ITGA4: variants seen among roughly 807,000 people sequenced by gnomAD.
ITGA4 encodes the protein integrin alpha-4.
In ITGA4, 63 loss-of-function variants were observed where a neutral mutation model predicts 133.6. The ratio of observed to expected loss-of-function variants is 0.47; its 90% CI spans 0.38 to 0.58. The LOEUF is 0.58. ITGA4 is among the 20% of genes least tolerant of loss of function. ITGA4 has a pLI of 0.00. For missense variants in ITGA4, 1,076 were observed against 1,252.7 expected, an observed-to-expected ratio of 0.86 and a Z score of 2.13; for synonymous variants, 483 against 438.0, an observed-to-expected ratio of 1.10 and a Z score of -1.28.
At chr2:181,458,975 G>A (rs540237317) in intron 2 of ITGA4, 1 of 152,416 alleles carries the variant, frequency 6.6e-6, no homozygotes, top group Admixed American at 6.5e-5. Flanking sequence ...TACTGATAGA[G>A]GGGAGAAGTT....
At position 181,516,739 on chromosome 2, in the gene ITGA4, C is replaced by T. The variant is rs1186574121; in HGVS notation, c.1922+4964C>T. 2.0e-5 allele frequency among the ~76,000 whole-genome samples: 3 copies of T among 152,010 alleles called. No individual in the cohort carries two copies. The East Asian group carries it at 5.8e-4, about 29-fold the overall frequency. ...CTTCTGAAATATTAAGGGAATGCTG[C>T]CTGTCACCTGAATAATCTAGGGCTC... On this transcript the variant is annotated intron_variant, in intron 17 of 27. Transcript: ENST00000397033. This position sits in a 1 kb window ranked among gnomAD's most constrained non-coding sequence, Gnocchi z 4.0.
In ITGA4 at chr2:181,485,906, C is replaced by T; in HGVS notation, c.1067C>T (p.Thr356Ile). 6.2e-7 allele frequency: 1 copy of T among 1,604,458 alleles called. No homozygotes were observed. Among genetic ancestry groups the T allele is most frequent in the Non-Finnish European group, 8.5e-7 (1 of 1,177,776 alleles). The change falls in exon 10 of 28, where the codon ACA (threonine) becomes ATA (isoleucine). Residue 356 changes from threonine (T) to isoleucine (I), a missense_variant. Transcript: ENST00000397033. ...GGAGCAGTAATGAATGCAATGGAAACAAACCTCGTTGGAAGTGACAAATAT... is the reference window on the plus strand; with the variant it reads ...GGAGCAGTAATGAATGCAATGGAAATAAACCTCGTTGGAAGTGACAAATAT... The part of the protein sequence containing the change: ...GSGAVMNAME[T>I]NLVGSDKYAA...
intron 15 of ITGA4, among the ~76,000 whole-genome samples, chr2:181,503,246 C>T (rs1437960302): frequency 5.9e-5 from 9 of 151,996 alleles, no homozygotes; most frequent in Admixed American, 5.3e-4. Flanking sequence ...TCTTTGATGG[C>T]GGGGAATTCG....
At chr2:181,500,608 A>G (rs1686246861) in intron 15 of ITGA4, among the ~76,000 whole-genome samples, 3 of 152,202 alleles carry the variant, frequency 2.0e-5, no homozygotes, top group South Asian at 4.1e-4. Flanking sequence ...TATCTATTTT[A>G]TCTCTGCATT....
At chr2:181,461,534 CTT>C (rs1685278342) in intron 2 of ITGA4, among the ~76,000 whole-genome samples, 1 of 151,948 alleles carries the variant, frequency 6.6e-6, no homozygotes. Context: ...TTAAAGGAAA[CTT>C]TAATCACAGC....
intron 4 of ITGA4, 97 bp downstream of exon 4, chr2:181,475,385 G>A (rs750774252): frequency 4.4e-5 from 42 of 945,852 alleles, no homozygotes; most frequent in Non-Finnish European, 6.5e-5. Context: ...TCAGAGGAGA[G>A]GGAGATCTTC....
intron 17 of ITGA4, among the ~76,000 whole-genome samples, chr2:181,518,289 C>A (rs1686650856): frequency 6.6e-6 from 1 of 152,120 alleles, no homozygotes; most frequent in African/African-American, 2.4e-5. Context: ...ATTCTTCCAG[C>A]ATATCCAACT....
At chr2:181,489,264 A>G (rs981976686) in intron 10 of ITGA4, among the ~76,000 whole-genome samples, 5 of 152,142 alleles carry the variant, frequency 3.3e-5, no homozygotes, top group African/African-American at 1.2e-4. Context: ...TCACTTTTCA[A>G]TTGTTCTCAA....
intron 2 of ITGA4, among the ~76,000 whole-genome samples, chr2:181,464,660 A>C (rs1435144157): frequency 6.6e-6 from 1 of 152,132 alleles, no homozygotes; most frequent in Non-Finnish European, 1.5e-5. Context: ...AATAATTTTC[A>C]TCTTTTTCAC....
chr2:181,484,957 T>C (rs1195159919), intron 9 of ITGA4, among the ~76,000 whole-genome samples: 1 of 152,236 alleles, frequency 6.6e-6, no homozygotes, highest in Non-Finnish European at 1.5e-5. Context: ...ATGGCCTTTT[T>C]TTCTTTTTAA....
chr2:181,509,598 T>A, intron 15 of ITGA4, 60 bp from the exon 16 acceptor site: 1 of 1,381,526 alleles, frequency 7.2e-7, no homozygotes, highest in South Asian at 1.6e-5. Flanking sequence ...AAAGGAGTTT[T>A]ATTTTTTTTT....
At chr2:181,506,110 G>A (rs904929478) in intron 15 of ITGA4, among the ~76,000 whole-genome samples, 3 of 151,976 alleles carry the variant, frequency 2.0e-5, no homozygotes, top group Admixed American at 6.6e-5. Flanking sequence ...GTACTCTCAG[G>A]CTCCAAATCT....
intron 17 of ITGA4, among the ~76,000 whole-genome samples, chr2:181,514,145 T>C (rs536004241): frequency 2.0e-5 from 3 of 152,192 alleles, no homozygotes; most frequent in South Asian, 4.1e-4. Flanking sequence ...GAAATTTCAG[T>C]GTGGAAGGAA....
chr2:181,464,578 G>T (rs911741437), intron 2 of ITGA4, among the ~76,000 whole-genome samples: 13 of 152,132 alleles, frequency 8.5e-5, no homozygotes, highest in African/African-American at 3.1e-4. Flanking sequence ...CTTCCTGGAG[G>T]AGTGAAATCT....
intron 17 of ITGA4, among the ~76,000 whole-genome samples, chr2:181,518,450 C>T (rs1445065573): frequency 1.3e-5 from 2 of 151,936 alleles, no homozygotes; most frequent in East Asian, 1.9e-4. Context: ...CATCCTATGC[C>T]ATCTGAAATA....
chr2:181,529,248 T>A (rs199767562), intron 22 of ITGA4, among the ~76,000 whole-genome samples: 1 of 133,178 alleles, frequency 7.5e-6, no homozygotes, highest in East Asian at 2.6e-4. Flanking sequence ...AAATATATAT[T>A]GTTTATGTCT....
Position 181,536,509 on chromosome 2 carries a change from A to C in ITGA4, c.*982A>C, listed in dbSNP as rs2105777909. Among the ~76,000 whole-genome samples the C allele has an allele frequency of 6.6e-6, 1 of 152,244 alleles. No homozygotes were observed. The highest frequency in any genetic ancestry group is 1.9e-4 in the East Asian group (1 of 5,182). On this transcript the variant is annotated 3_prime_UTR_variant, in exon 28 of 28. Coordinates refer to ENST00000397033, the MANE Select transcript of ITGA4 (RefSeq NM_000885.6). ...TACTATGTAAAATATTGACTATCAC[A>C]CAACTATTTCCTTGGATGTAATTCT...
rs61016862 is a variant in ITGA4, at chr2:181,460,566, AGTGTGTGT to A, written c.319+2279_319+2286del. Among the ~76,000 whole-genome samples the A allele has an allele frequency of 5.3e-3, 788 of 148,060 alleles. 6 individuals carry two copies. Among genetic ancestry groups the A allele is most frequent in the African/African-American group, 0.018 (738 of 40,322 alleles). On this transcript the variant is annotated intron_variant, in intron 2 of 27. Transcript: ENST00000397033. ...ATATATAAGCCATCTTCTGTAGAAG[AGTGTGTGT>A]GTGTGTGTGTGTGTGTGTGTGTGTG...
At chr2:181,491,916 G>T (rs1686056432) in intron 10 of ITGA4, among the ~76,000 whole-genome samples, 1 of 152,174 alleles carries the variant, frequency 6.6e-6, no homozygotes. Context: ...GCATTTCCCT[G>T]CCTCTAAATT....
Sources: gnomAD v4.1 joint callset for allele counts (sites outside exome capture counted in the v4.1 genomes callset) on GRCh38, gnomAD v4.1.1 for gene constraint, Gnocchi (gnomAD v3.1) non-coding constraint, MANE v1.5 for transcripts, NCBI Gene and HGNC (gene_info 2026-07-23, HGNC 2026-07-21) for gene names.